The following IL1RAPL1 variants were observed in gnomAD, a reference collection of about 807,000 sequenced individuals.
The protein encoded by IL1RAPL1 is interleukin 1 receptor accessory protein like 1.
IL1RAPL1 carries 3 observed loss-of-function variants against 48.4 expected under a neutral mutation model. The observed-to-expected ratio is 0.06, with a 90% CI of 0.03 to 0.16. IL1RAPL1 has a LOEUF of 0.16. Among genes scored for constraint, IL1RAPL1 ranks in the 10% least tolerant of loss-of-function variants. IL1RAPL1 has a pLI of 1.00. For synonymous variants in IL1RAPL1, 185 were observed against 187.7 expected (o/e 0.99, Z 0.12); for missense variants, 349 against 530.6 (o/e 0.66, Z 3.36).
intron 1 of IL1RAPL1, among the ~76,000 whole-genome samples, chrX:28,634,423 G>A (rs182035685): frequency 1.8e-3 from 189 of 107,680 alleles, no homozygotes; most frequent in African/African-American, 6.2e-3. Context: ...ACATATATAC[G>A]TATGTATATA....
At chrX:29,314,597 G>T (rs1255963537) in intron 3 of IL1RAPL1, among the ~76,000 whole-genome samples, 1 of 112,289 alleles carries the variant, frequency 8.9e-6, no homozygotes, top group Non-Finnish European at 1.9e-5. Flanking sequence ...AAGTTATATT[G>T]ACGTAGGGGC....
intron 1 of IL1RAPL1, among the ~76,000 whole-genome samples, chrX:28,729,868 C>G (rs768538529): frequency 9.1e-6 from 1 of 110,474 alleles, no homozygotes; most frequent in East Asian, 2.9e-4. Context: ...TGGTGGTGCA[C>G]GCCTGTAGTC....
intron 5 of IL1RAPL1, among the ~76,000 whole-genome samples, chrX:29,646,195 A>T (rs1925319383): frequency 1.8e-5 from 2 of 112,212 alleles, no homozygotes; most frequent in African/African-American, 6.5e-5. Context: ...GAGAAATAAT[A>T]AATTTCAAGG....
chrX:29,400,157 A>G (rs775243199), intron 5 of IL1RAPL1, among the ~76,000 whole-genome samples: 1 of 112,079 alleles, frequency 8.9e-6, no homozygotes, highest in South Asian at 3.7e-4. Flanking sequence ...AGGTGGAAGG[A>G]CATGAGGACA....
chrX:29,031,833 G>A (rs894874527), intron 2 of IL1RAPL1, among the ~76,000 whole-genome samples: 5 of 111,328 alleles, frequency 4.5e-5, no homozygotes, highest in African/African-American at 1.3e-4. Flanking sequence ...TTGTTTATAC[G>A]TTGAATGAAG....
chrX:29,553,271 T>C (rs1268059693), intron 5 of IL1RAPL1, among the ~76,000 whole-genome samples: 1 of 111,969 alleles, frequency 8.9e-6, no homozygotes, highest in Non-Finnish European at 1.9e-5. Context: ...CTGTATTTAA[T>C]GATTTCTGTA....
chrX:28,915,943 GTA>G (rs61698059), intron 2 of IL1RAPL1, among the ~76,000 whole-genome samples: 1,371 of 101,750 alleles, frequency 0.013, 6 homozygotes, highest in African/African-American at 0.03. Flanking sequence ...ATATGTATGT[GTA>G]TATATATATA....
intron 5 of IL1RAPL1, among the ~76,000 whole-genome samples, chrX:29,515,246 G>C (rs963028073): frequency 4.4e-5 from 5 of 112,510 alleles, no homozygotes; most frequent in African/African-American, 1.6e-4. Context: ...CCTTTAATCA[G>C]TTTCCCTCAA....
At chrX:29,777,066 C>T (rs1490461985) in intron 6 of IL1RAPL1, among the ~76,000 whole-genome samples, 1 of 111,915 alleles carries the variant, frequency 8.9e-6, no homozygotes, top group Non-Finnish European at 1.9e-5. Context: ...GAATCCTTCT[C>T]TAATTTTGGC....
chrX:28,833,850 G>A (rs16988336), intron 2 of IL1RAPL1, among the ~76,000 whole-genome samples: 7,906 of 111,694 alleles, frequency 0.071, 534 homozygotes, highest in East Asian at 0.25. Flanking sequence ...ATCTACTGGT[G>A]ACTTTTATGT....
intron 2 of IL1RAPL1, among the ~76,000 whole-genome samples, chrX:28,903,541 G>C (rs189175926): frequency 1.9e-4 from 21 of 109,291 alleles, no homozygotes; most frequent in Non-Finnish European, 7.6e-5. Flanking sequence ...ACGGCATTTC[G>C]TTCTTCTGCA....
At chrX:29,210,791 C>A (rs1300440091) in intron 2 of IL1RAPL1, among the ~76,000 whole-genome samples, 1 of 111,710 alleles carries the variant, frequency 9.0e-6, no homozygotes, top group African/African-American at 3.3e-5. Flanking sequence ...TAAATATGCA[C>A]CAACTAACTG....
intron 5 of IL1RAPL1, among the ~76,000 whole-genome samples, chrX:29,564,065 G>A (rs147032170): frequency 0.04 from 4,446 of 111,435 alleles, 88 homozygotes; most frequent in Middle Eastern, 0.069. Context: ...TCAGGAGTTT[G>A]TCACTTCTAA....
chrX:29,569,653 A>AT (rs1252557394), intron 5 of IL1RAPL1, among the ~76,000 whole-genome samples: 2 of 110,418 alleles, frequency 1.8e-5, no homozygotes, highest in African/African-American at 6.6e-5. Context: ...AACAACTGCC[A>AT]TTTTTTCCAT....
chrX:29,127,688 C>T (rs1397514636), intron 2 of IL1RAPL1, among the ~76,000 whole-genome samples: 2 of 111,516 alleles, frequency 1.8e-5, no homozygotes, highest in Non-Finnish European at 3.8e-5. Context: ...GGCTGGGTGC[C>T]GTGGCTCACG....
At chrX:28,837,720 T>G (rs1921261811) in intron 2 of IL1RAPL1, among the ~76,000 whole-genome samples, 1 of 98,068 alleles carries the variant, frequency 1.0e-5, no homozygotes, top group African/African-American at 3.8e-5. Context: ...AGACTTATTT[T>G]GATTACCAGG....
intron 2 of IL1RAPL1, among the ~76,000 whole-genome samples, chrX:29,211,937 C>A (rs1930776589): frequency 9.0e-6 from 1 of 110,624 alleles, no homozygotes; most frequent in Non-Finnish European, 1.9e-5. Flanking sequence ...CAGAAAATCA[C>A]CTTATATATC....
At chrX:28,624,354 T>A (rs1330122956) in intron 1 of IL1RAPL1, among the ~76,000 whole-genome samples, 1 of 111,679 alleles carries the variant, frequency 9.0e-6, no homozygotes, top group Non-Finnish European at 1.9e-5. Flanking sequence ...CAGCATTACT[T>A]TTGATGAAAT....
chrX:29,782,599 G>C (rs142421364), intron 6 of IL1RAPL1, among the ~76,000 whole-genome samples: 159 of 111,450 alleles, frequency 1.4e-3, no homozygotes, highest in African/African-American at 4.2e-3. Context: ...AGACAGTCAG[G>C]TACACACATA....
Sources: allele counts gnomAD v4.1 joint callset (sites outside exome capture counted in the v4.1 genomes callset), GRCh38; gene constraint gnomAD v4.1.1; transcripts MANE v1.5; gene names NCBI Gene and HGNC (gene_info 2026-07-23, HGNC 2026-07-21).